Variants in ACVR2B observed in about 807,000 individuals in gnomAD.
ACVR2B encodes activin A receptor type 2B, also known as activin receptor type-2B.
ACVR2B carries 18 observed loss-of-function variants against 65.1 expected under a neutral mutation model. The observed-to-expected ratio is 0.28, with a 90% CI of 0.19 to 0.41. The LOEUF (loss-of-function observed/expected upper bound fraction) is 0.41. Among genes scored for constraint, ACVR2B ranks in the 10% least tolerant of loss-of-function variants. The pLI, the probability that ACVR2B is intolerant of heterozygous loss-of-function variation, is 1.00. For synonymous variants in ACVR2B, 298 were observed against 277.7 expected, an observed-to-expected ratio of 1.07 and a Z score of -0.73; for missense variants, 482 against 682.7, an observed-to-expected ratio of 0.71 and a Z score of 3.28.
rs1169397232 is a variant in ACVR2B at position 38,484,851 on chromosome 3, G to A, written c.*1519G>A. ...ATTTTGTTAGTTGTGTTGTCTTGTA[G>A]TAAGTATATTTTAATGTAAGTTGGC... On this transcript the variant is annotated 3_prime_UTR_variant, in exon 11 of 11. Coordinates refer to ENST00000352511, the MANE Select transcript of ACVR2B (RefSeq NM_001106.4). 1 of 152,620 alleles carries A rather than the reference G, an allele frequency of 6.6e-6. No homozygotes were observed. Among genetic ancestry groups the A allele is most frequent in the Non-Finnish European group, 1.5e-5 (1 of 68,034 alleles). 9.5% of individuals were successfully genotyped at this position (152,620 alleles called of 1,614,324 possible). A position where few individuals can be genotyped will look rare whatever the true frequency, so the allele number is the denominator to read the frequency against.
chr3:38,455,250 GGGGTGCGCCTAACCCCGGC>G (rs972258729), intron 1 of ACVR2B, among the ~76,000 whole-genome samples: 2 of 152,092 alleles, frequency 1.3e-5, no homozygotes, highest in African/African-American at 4.8e-5. Context: ...CAGTGGTGCC[GGGGTGCGCCTAACCCCGGC>G]GGGCGCGCCG....
rs371445433 is a variant in ACVR2B at position 38,477,382 on chromosome 3, G to A, written c.148G>A (p.Glu50Lys). The change falls in exon 2 of 11, where the codon GAA becomes AAA. Residue 50 changes from glutamate (E) to lysine (K), a missense_variant. Glu to Lys is a moderately conservative substitution (Grantham distance 56, BLOSUM62 1). Transcript: ENST00000352511. This position sits in a 1 kb window ranked among gnomAD's most constrained non-coding sequence, Gnocchi z 6.7. ...CAACCAGAGCGGCCTGGAGCGCTGCGAAGGCGAGCAGGACAAGCGGCTGCA... is the reference window on the plus strand; with the variant it reads ...CAACCAGAGCGGCCTGGAGCGCTGCAAAGGCGAGCAGGACAAGCGGCTGCA... ...RTNQSGLERC[E>K]GEQDKRLHCY... 41 of 1,614,160 alleles carry A rather than the reference G, an allele frequency of 2.5e-5. No homozygotes were observed. Among genetic ancestry groups the A allele is most frequent in the Admixed American group, 2.2e-4 (13 of 60,030 alleles).
At position 38,486,991 on chromosome 3, in the gene ACVR2B, T is replaced by C. The variant is rs1316770754; in HGVS notation, c.*3659T>C. On this transcript the variant is annotated 3_prime_UTR_variant, in exon 11 of 11. Transcript: ENST00000352511. ...GGTTTTCTCCTGGGACCATTGGTCC[T>C]CAGCAGGAGTTCTTTGCATGAGTTG... The C allele has an allele frequency of 6.6e-6, 1 of 152,330 alleles. No individual in the cohort carries two copies. Among genetic ancestry groups the C allele is most frequent in the African/African-American group, 2.4e-5 (1 of 41,446 alleles). 9.4% of individuals were successfully genotyped at this position (152,330 alleles called of 1,614,324 possible). A position where few individuals can be genotyped will look rare whatever the true frequency, so the allele number is the denominator to read the frequency against.
chr3:38,483,178 A>G lies in ACVR2B; in HGVS notation c.1385A>G (p.Asp462Gly). The G allele has an allele frequency of 6.2e-7, 1 of 1,614,166 alleles. No homozygotes were observed. Among genetic ancestry groups the G allele is most frequent in the South Asian group, 1.1e-5 (1 of 91,090 alleles). The change falls in exon 11 of 11, where the codon GAC becomes GGC. Residue 462 changes from aspartate (D) to glycine (G), a missense_variant. By Grantham distance (94) the Asp-to-Gly change is moderately conservative. Transcript: ENST00000352511. This position sits in a 1 kb window ranked among gnomAD's most constrained non-coding sequence, Gnocchi z 4.8. ...QLCVTIEECW[D>G]HDAEARLSAG... ...TGTGTGACCATCGAGGAGTGCTGGG[A>G]CCATGATGCAGAGGCTCGCTTGTCC...
rs537187447 is a variant in ACVR2B at position 38,481,252 on chromosome 3, T to C, written c.960-99T>C. On this transcript the variant is annotated intron_variant, in intron 7 of 10. Coordinates refer to ENST00000352511, the MANE Select transcript of ACVR2B (RefSeq NM_001106.4). The surrounding 1 kb of genome is among the most constrained non-coding windows in gnomAD (Gnocchi z 4.7). ...CCAGGTAGGGTGGGATGGCCTGGTC[T>C]GGGGCCTGACTCTAGGGCACAGACT... is the stretch of plus-strand genomic sequence containing the variant. The C allele has an allele frequency of 1.7e-5, 18 of 1,044,592 alleles. No homozygotes were observed. In the East Asian group the frequency reaches 4.3e-4, roughly 25 times the overall value. The allele number at this position is 1,044,592 out of a possible 1,614,324, so 64.7% of individuals were successfully genotyped here. A position where few individuals can be genotyped will look rare whatever the true frequency, so the allele number is the denominator to read the frequency against.
chr3:38,463,551 G>T (rs562593354), intron 1 of ACVR2B, among the ~76,000 whole-genome samples: 1 of 152,166 alleles, frequency 6.6e-6, no homozygotes, highest in Non-Finnish European at 1.5e-5. Context: ...GGGATGACTT[G>T]TTCACCAAAG....
chr3:38,460,599 T>C (rs1709628901), intron 1 of ACVR2B, among the ~76,000 whole-genome samples: 1 of 152,192 alleles, frequency 6.6e-6, no homozygotes, highest in African/African-American at 2.4e-5. Context: ...TCAGATTCTT[T>C]CTGGGACTGG....
rs1460107463 is a variant in ACVR2B at position 38,481,251 on chromosome 3, C to T, written c.960-100C>T. ...CCCAGGTAGGGTGGGATGGCCTGGT[C>T]TGGGGCCTGACTCTAGGGCACAGAC... is the stretch of plus-strand genomic sequence containing the variant. On this transcript the variant is annotated intron_variant, in intron 7 of 10. Transcript: ENST00000352511. The surrounding 1 kb of genome is among the most constrained non-coding windows in gnomAD (Gnocchi z 4.7). The T allele has an allele frequency of 5.8e-6, 6 of 1,037,518 alleles. No individual in the cohort carries two copies. Among genetic ancestry groups the T allele is most frequent in the Non-Finnish European group, 7.6e-6 (5 of 661,334 alleles). 64.3% of individuals were successfully genotyped at this position (1,037,518 alleles called of 1,614,324 possible). A position where few individuals can be genotyped will look rare whatever the true frequency, so the allele number is the denominator to read the frequency against.
chr3:38,483,488 AATT>A lies in ACVR2B; in HGVS notation c.*167_*169del, dbSNP rs1213162231. 4.0e-5 allele frequency: 12 copies of A among 299,958 alleles called. No individual in the cohort carries two copies. Among genetic ancestry groups the A allele is most frequent in the Non-Finnish European group, 6.1e-5 (11 of 179,142 alleles). 18.6% of individuals were successfully genotyped at this position (299,958 alleles called of 1,614,324 possible). On this transcript the variant is annotated 3_prime_UTR_variant, in exon 11 of 11. Coordinates refer to ENST00000352511, the MANE Select transcript of ACVR2B (RefSeq NM_001106.4). This position sits in a 1 kb window ranked among gnomAD's most constrained non-coding sequence, Gnocchi z 4.8. The stretch of plus-strand genomic sequence containing the variant: ...TTATTATTATTATTATAATTATTAT[AATT>A]ATTATTATTAATATTATTTTTTGGA...
In ACVR2B at chr3:38,454,270, C is replaced by T. The variant is rs1709501726; in HGVS notation, c.-53C>T. On this transcript the variant is annotated 5_prime_UTR_variant, in exon 1 of 11. Transcript: ENST00000352511. Reference sequence around the variant, plus strand: ...CCTGGCCCTGCGCGCCCCGGGAGCGCCGTGCGGCCCTGCCCGCGGGCTCCG... The same window carrying T: ...CCTGGCCCTGCGCGCCCCGGGAGCGTCGTGCGGCCCTGCCCGCGGGCTCCG... 2.5e-6 allele frequency: 3 copies of T among 1,205,298 alleles called. No individual in the cohort carries two copies. The highest frequency in any genetic ancestry group is 3.4e-4 in the Middle Eastern group (1 of 2,984). 74.7% of individuals were successfully genotyped at this position (1,205,298 alleles called of 1,614,324 possible).
chr3:38,492,731 T>TACACACACACACAC lies in ACVR2B; in HGVS notation c.*9459_*9472dup, dbSNP rs55986551. The TACACACACACACAC allele has an allele frequency of 2.0e-4, 25 of 124,856 alleles. 1 individual carries two copies. The highest frequency in any genetic ancestry group is 2.7e-4 in the South Asian group (1 of 3,702). 7.7% of individuals were successfully genotyped at this position (124,856 alleles called of 1,614,324 possible). ...AGTGTGCTGATTTATATATATATATTACACACACACACACACACACACACA... is the reference window on the plus strand; with the variant it reads ...AGTGTGCTGATTTATATATATATATTACACACACACACACACACACACACACACACACACACACA... On this transcript the variant is annotated 3_prime_UTR_variant, in exon 11 of 11. Coordinates refer to ENST00000352511, the MANE Select transcript of ACVR2B (RefSeq NM_001106.4).
intron 1 of ACVR2B, among the ~76,000 whole-genome samples, chr3:38,466,896 A>G (rs900156444): frequency 1.3e-5 from 2 of 152,220 alleles, no homozygotes; most frequent in Admixed American, 6.5e-5. Context: ...AGATGAAGAG[A>G]GGAATGAAGA....
intron 1 of ACVR2B, among the ~76,000 whole-genome samples, chr3:38,455,859 G>A (rs891744602): frequency 2.2e-4 from 33 of 152,218 alleles, no homozygotes; most frequent in African/African-American, 7.5e-4. Context: ...AGGGAGGGCG[G>A]CAGCAAGCTG....
intron 1 of ACVR2B, among the ~76,000 whole-genome samples, chr3:38,463,585 T>G (rs1425411989): frequency 1.3e-5 from 2 of 152,192 alleles, no homozygotes; most frequent in African/African-American, 4.8e-5. Context: ...GTCTTGTTCT[T>G]CAGCTTGCTG....
intron 1 of ACVR2B, chr3:38,476,749 AG>A (rs1709916831): frequency 5.8e-6 from 1 of 171,142 alleles, no homozygotes; most frequent in African/African-American, 2.4e-5. Flanking sequence ...GGTGATTAAA[AG>A]CACATATTCT....
intron 1 of ACVR2B, among the ~76,000 whole-genome samples, chr3:38,472,343 C>T (rs1244577138): frequency 2.0e-5 from 3 of 152,126 alleles, no homozygotes; most frequent in Non-Finnish European, 2.9e-5. Flanking sequence ...GGCTGCCTTT[C>T]GAGGGGTGCT....
rs1709925440 is a variant in ACVR2B, at chr3:38,477,143, A to G, written c.53-144A>G. ...TGGGACGGATGGGTGGCCTACGTCCAGGGGTGAGTGCAGGAGGTTGGTGAC... is the reference window on the plus strand; with the variant it reads ...TGGGACGGATGGGTGGCCTACGTCCGGGGGTGAGTGCAGGAGGTTGGTGAC... On this transcript the variant is annotated intron_variant, in intron 1 of 10. Transcript: ENST00000352511. This position sits in a 1 kb window ranked among gnomAD's most constrained non-coding sequence, Gnocchi z 6.7. The G allele has an allele frequency of 4.8e-6, 4 of 829,752 alleles. No homozygotes were observed. Among genetic ancestry groups the G allele is most frequent in the African/African-American group, 3.4e-5 (2 of 59,052 alleles). 51.4% of individuals were successfully genotyped at this position (829,752 alleles called of 1,614,324 possible). A position where few individuals can be genotyped will look rare whatever the true frequency, so the allele number is the denominator to read the frequency against.
rs1710123282 is a variant in ACVR2B at position 38,486,471 on chromosome 3, C to T, written c.*3139C>T. ...CTTTGAGGAGTGAGCCATCTCGAGC[C>T]CTGCTTTGAATTTACTGGGTCATAG... On this transcript the variant is annotated 3_prime_UTR_variant, in exon 11 of 11. Coordinates refer to ENST00000352511, the MANE Select transcript of ACVR2B (RefSeq NM_001106.4). 1 of 152,238 alleles carries T rather than the reference C, an allele frequency of 6.6e-6. No homozygotes were observed. Among genetic ancestry groups the T allele is most frequent in the Admixed American group, 6.5e-5 (1 of 15,280 alleles). The allele number at this position is 152,238 out of a possible 1,614,324, so 9.4% of individuals were successfully genotyped here.
chr3:38,458,700 C>CA (rs1432063899), intron 1 of ACVR2B, among the ~76,000 whole-genome samples: 1 of 152,122 alleles, frequency 6.6e-6, no homozygotes, highest in Non-Finnish European at 1.5e-5. Flanking sequence ...TAGATCCACT[C>CA]ACGGATACTG....
Sources: allele counts gnomAD v4.1 joint callset (sites outside exome capture counted in the v4.1 genomes callset), GRCh38; gene constraint gnomAD v4.1.1; non-coding constraint Gnocchi (gnomAD v3.1); transcripts MANE v1.5; gene names NCBI Gene and HGNC (gene_info 2026-07-23, HGNC 2026-07-21).